NALF1: variants seen among roughly 807,000 people sequenced by gnomAD.
The protein encoded by NALF1 is family with sequence similarity 155 member A.
NALF1 carries 3 observed loss-of-function variants against 48.4 expected under a neutral mutation model. That is an observed-to-expected ratio of 0.06 (90% confidence interval 0.03 to 0.16). The LOEUF (loss-of-function observed/expected upper bound fraction) is 0.16. NALF1 is among the 10% of genes least tolerant of loss of function. NALF1 has a pLI of 1.00. For synonymous variants in NALF1, 262 were observed against 245.7 expected (o/e 1.07, Z -0.62); for missense variants, 526 against 571.5 (o/e 0.92, Z 0.81).
chr13:107,517,360 G>A (rs1444771147), intron 1 of NALF1, among the ~76,000 whole-genome samples: 1 of 152,196 alleles, frequency 6.6e-6, no homozygotes, highest in African/African-American at 2.4e-5. Context: ...GCCAGGCACA[G>A]TGGCTCATGC....
chr13:107,326,305 T>C (rs956130155), intron 1 of NALF1, among the ~76,000 whole-genome samples: 7 of 152,096 alleles, frequency 4.6e-5, no homozygotes, highest in African/African-American at 1.7e-4. Flanking sequence ...AATGAGAATG[T>C]TGAAGCATAG....
intron 1 of NALF1, among the ~76,000 whole-genome samples, chr13:107,747,874 T>C (rs748114673): frequency 6.6e-6 from 1 of 152,150 alleles, no homozygotes; most frequent in Non-Finnish European, 1.5e-5. Flanking sequence ...AAATATTTCA[T>C]ACTAAATGTA....
chr13:107,720,510 C>CAAAA (rs56380251), intron 1 of NALF1, among the ~76,000 whole-genome samples: 2,516 of 59,486 alleles, frequency 0.042, 431 homozygotes, highest in Middle Eastern at 0.083. Flanking sequence ...GACTGCATCT[C>CAAAA]AAAAAAAAAA....
chr13:107,622,537 T>C (rs2138441854), intron 1 of NALF1, among the ~76,000 whole-genome samples: 1 of 151,952 alleles, frequency 6.6e-6, no homozygotes, highest in African/African-American at 2.4e-5. Flanking sequence ...ATTGATAATC[T>C]GTCTCTGCTA....
At chr13:107,591,525 A>G (rs1878602851) in intron 1 of NALF1, among the ~76,000 whole-genome samples, 1 of 151,952 alleles carries the variant, frequency 6.6e-6, no homozygotes, top group Admixed American at 6.6e-5. Context: ...ATTCAGAGTC[A>G]TTTTCTTTAA....
At chr13:107,745,072 C>G (rs150164460) in intron 1 of NALF1, among the ~76,000 whole-genome samples, 1 of 152,154 alleles carries the variant, frequency 6.6e-6, no homozygotes, top group Non-Finnish European at 1.5e-5. Context: ...CAAACATGAT[C>G]GAATAGATAT....
At chr13:107,620,323 T>A (rs1879486630) in intron 1 of NALF1, among the ~76,000 whole-genome samples, 1 of 152,160 alleles carries the variant, frequency 6.6e-6, no homozygotes, top group Admixed American at 6.5e-5. Flanking sequence ...AAGAGACCCA[T>A]CAAACACTAA....
At chr13:107,630,469 T>C (rs1030263251) in intron 1 of NALF1, among the ~76,000 whole-genome samples, 16 of 152,150 alleles carry the variant, frequency 1.1e-4, no homozygotes, top group Admixed American at 4.6e-4. Context: ...GCATTTCTTA[T>C]AGTACTCAAA....
chr13:107,273,717 T>C (rs1338992019), intron 1 of NALF1, among the ~76,000 whole-genome samples: 1 of 152,200 alleles, frequency 6.6e-6, no homozygotes, highest in Admixed American at 6.5e-5. Flanking sequence ...ACACTACACA[T>C]ACTGTTTGAG....
chr13:107,370,371 A>G (rs1883229059), intron 1 of NALF1, among the ~76,000 whole-genome samples: 1 of 152,184 alleles, frequency 6.6e-6, no homozygotes, highest in Non-Finnish European at 1.5e-5. Flanking sequence ...GAGAGTACAA[A>G]CAGGCTCTTG....
At chr13:107,281,962 G>A (rs1881396526) in intron 1 of NALF1, among the ~76,000 whole-genome samples, 1 of 152,130 alleles carries the variant, frequency 6.6e-6, no homozygotes, top group South Asian at 2.1e-4. Context: ...TTAAAACGTG[G>A]GGAATATGGA....
At chr13:107,560,093 G>A (rs1877602440) in intron 1 of NALF1, among the ~76,000 whole-genome samples, 1 of 152,154 alleles carries the variant, frequency 6.6e-6, no homozygotes, top group South Asian at 2.1e-4. Flanking sequence ...TGGGATTAGG[G>A]CTAAGAAGAC....
chr13:107,574,869 A>C (rs1878090094), intron 1 of NALF1, among the ~76,000 whole-genome samples: 1 of 152,214 alleles, frequency 6.6e-6, no homozygotes, highest in Middle Eastern at 3.2e-3. Flanking sequence ...TTGGAAAAGA[A>C]AGTATATACA....
chr13:107,827,225 A>G (rs946931803), intron 1 of NALF1, among the ~76,000 whole-genome samples: 16 of 152,178 alleles, frequency 1.1e-4, no homozygotes, highest in African/African-American at 3.9e-4. Flanking sequence ...ACATTTATGG[A>G]GTGTCTGTTA....
At chr13:107,198,758 T>C (rs1017998105) in intron 2 of NALF1, among the ~76,000 whole-genome samples, 1 of 152,190 alleles carries the variant, frequency 6.6e-6, no homozygotes, top group African/African-American at 2.4e-5. Context: ...GTTGGCAGGG[T>C]TGGCTCCTTC....
intron 1 of NALF1, among the ~76,000 whole-genome samples, chr13:107,864,999 T>A (rs1467699388): frequency 1.3e-5 from 2 of 152,224 alleles, no homozygotes; most frequent in Non-Finnish European, 2.9e-5. Context: ...ATAAATAGCC[T>A]ATTGCTAGTC....
chr13:107,718,899 T>C (rs1040828720), intron 1 of NALF1, among the ~76,000 whole-genome samples: 4 of 152,200 alleles, frequency 2.6e-5, no homozygotes, highest in African/African-American at 9.6e-5. Flanking sequence ...GCTACTGCAT[T>C]GGACCAGGCA....
At chr13:107,242,905 C>T (rs1880505704) in intron 1 of NALF1, among the ~76,000 whole-genome samples, 1 of 152,096 alleles carries the variant, frequency 6.6e-6, no homozygotes, top group South Asian at 2.1e-4. Flanking sequence ...TCAACCATAC[C>T]CTCCAAAGAA....
At chr13:107,225,014 G>A (rs1338738865) in intron 1 of NALF1, among the ~76,000 whole-genome samples, 2 of 151,006 alleles carry the variant, frequency 1.3e-5, no homozygotes, top group African/African-American at 4.9e-5. Flanking sequence ...ATTTTATTTT[G>A]TTTTGTTTTT....
Sources: allele counts gnomAD v4.1 joint callset (sites outside exome capture counted in the v4.1 genomes callset), GRCh38; gene constraint gnomAD v4.1.1; transcripts MANE v1.5; gene names NCBI Gene and HGNC (gene_info 2026-07-23, HGNC 2026-07-21).